FAF1: variants seen among roughly 807,000 people sequenced by gnomAD.
FAF1 encodes the protein FAS-associated factor 1.
A neutral mutation model predicts 92.5 loss-of-function variants in FAF1; 25 were observed. The observed-to-expected ratio is 0.27, with a 90% CI of 0.20 to 0.38. The LOEUF (loss-of-function observed/expected upper bound fraction) is 0.38, where lower values mean the gene tolerates loss of function less well. FAF1 is among the 10% of genes least tolerant of loss of function. The pLI, the probability that FAF1 is intolerant of heterozygous loss-of-function variation, is 1.00. For synonymous variants in FAF1, 234 were observed against 273.2 expected, an observed-to-expected ratio of 0.86 and a Z score of 1.42; for missense variants, 636 against 793.3, an observed-to-expected ratio of 0.80 and a Z score of 2.38.
At chr1:50,763,327 C>G (rs1428532434) in intron 4 of FAF1, among the ~76,000 whole-genome samples, 2 of 151,760 alleles carry the variant, frequency 1.3e-5, no homozygotes, top group African/African-American at 4.9e-5. Context: ...TTCTCTGGCT[C>G]TGGCTGCTTT....
chr1:50,779,589 T>A, intron 4 of FAF1, among the ~76,000 whole-genome samples: 1 of 151,374 alleles, frequency 6.6e-6, no homozygotes. Flanking sequence ...AAATTATATA[T>A]AAAATACTCT....
chr1:50,626,567 C>T (rs1653507391), intron 8 of FAF1, among the ~76,000 whole-genome samples: 1 of 152,058 alleles, frequency 6.6e-6, no homozygotes, highest in Non-Finnish European at 1.5e-5. Context: ...TAAGATAACA[C>T]TAAAGAAGTA....
intron 1 of FAF1, among the ~76,000 whole-genome samples, chr1:50,947,835 TGATA>T (rs1293933074): frequency 6.6e-6 from 1 of 152,230 alleles, no homozygotes; most frequent in Non-Finnish European, 1.5e-5. Context: ...ATCATGTCAA[TGATA>T]GATATCAAAA....
chr1:50,945,534 T>C (rs1021025296), intron 1 of FAF1, among the ~76,000 whole-genome samples: 3 of 152,212 alleles, frequency 2.0e-5, no homozygotes, highest in African/African-American at 7.2e-5. Context: ...TGATAGTTGA[T>C]ATTCGTCATA....
intron 1 of FAF1, among the ~76,000 whole-genome samples, chr1:50,872,487 C>T (rs1644536627): frequency 6.6e-6 from 1 of 152,184 alleles, no homozygotes; most frequent in African/African-American, 2.4e-5. Flanking sequence ...ATGCTGTGAA[C>T]ACTGTTGAAA....
At chr1:50,591,559 G>T (rs1183182667) in intron 9 of FAF1, among the ~76,000 whole-genome samples, 2 of 151,296 alleles carry the variant, frequency 1.3e-5, no homozygotes, top group East Asian at 3.9e-4. Flanking sequence ...TATAATCCCA[G>T]TTACTCAGGA....
At chr1:50,872,789 A>G (rs546432595) in intron 1 of FAF1, among the ~76,000 whole-genome samples, 3 of 152,008 alleles carry the variant, frequency 2.0e-5, no homozygotes, top group Admixed American at 2.0e-4. Flanking sequence ...AATCCCAGCT[A>G]CTCAGGAGGC....
chr1:50,588,500 G>C (rs1651348089), intron 9 of FAF1, among the ~76,000 whole-genome samples: 1 of 152,118 alleles, frequency 6.6e-6, no homozygotes, highest in African/African-American at 2.4e-5. Flanking sequence ...TCAGTAAGGA[G>C]AGACCTTCAC....
intron 7 of FAF1, among the ~76,000 whole-genome samples, chr1:50,675,037 C>T (rs536637553): frequency 2.0e-5 from 3 of 152,058 alleles, no homozygotes; most frequent in Non-Finnish European, 4.4e-5. Flanking sequence ...ATTACAAGTG[C>T]CCACCACCAT....
chr1:50,815,344 C>T (rs1049643108), intron 2 of FAF1, among the ~76,000 whole-genome samples: 10 of 152,068 alleles, frequency 6.6e-5, no homozygotes, highest in Non-Finnish European at 1.3e-4. Flanking sequence ...TGAGTTAATT[C>T]GCTTAGGATT....
rs1646159216 is a variant in FAF1 at position 50,440,807 on chromosome 1, G to A, written c.*633C>T. 1 of 152,210 alleles carries A rather than the reference G, an allele frequency of 6.6e-6. No individual in the cohort carries two copies. Among genetic ancestry groups the A allele is most frequent in the African/African-American group, 2.4e-5 (1 of 41,442 alleles). 9.4% of individuals were successfully genotyped at this position (152,210 alleles called of 1,614,324 possible). ...CAATGGAACAGCAAATACCTCCTAG[G>A]TAGAACCTGGAGACCCAAGGCAGCA... On this transcript the variant is annotated 3_prime_UTR_variant, in exon 19 of 19. Transcript: ENST00000396153.
intron 12 of FAF1, among the ~76,000 whole-genome samples, chr1:50,580,004 A>C (rs960929011): frequency 1.3e-5 from 2 of 152,152 alleles, no homozygotes; most frequent in Non-Finnish European, 2.9e-5. Flanking sequence ...ATTTTTGGAA[A>C]ATGCATGCTG....
intron 1 of FAF1, among the ~76,000 whole-genome samples, chr1:50,882,640 A>G: frequency 6.6e-6 from 1 of 150,698 alleles, no homozygotes; most frequent in African/African-American, 2.4e-5. Context: ...AAATAAATAA[A>G]TAAATAAATG....
intron 1 of FAF1, among the ~76,000 whole-genome samples, chr1:50,911,944 G>A (rs1644888965): frequency 6.6e-6 from 1 of 151,946 alleles, no homozygotes; most frequent in Non-Finnish European, 1.5e-5. Context: ...GTCTGAGGTG[G>A]GAGAAACGCT....
At position 50,439,311 on chromosome 1, in the gene FAF1, C is replaced by G. The variant is rs888955698; in HGVS notation, c.*2129G>C. 3 of 152,204 alleles carry G rather than the reference C, an allele frequency of 2.0e-5. No homozygotes were observed. Among genetic ancestry groups the G allele is most frequent in the Non-Finnish European group, 4.4e-5 (3 of 68,038 alleles). 9.4% of individuals were successfully genotyped at this position (152,204 alleles called of 1,614,324 possible). A position where few individuals can be genotyped will look rare whatever the true frequency, so the allele number is the denominator to read the frequency against. On this transcript the variant is annotated 3_prime_UTR_variant, in exon 19 of 19. Transcript: ENST00000396153. ...CTGAAGCTTAGTAGACCATCATGTC[C>G]TGAGTGAACAGTGACAATTAGCTGA...
chr1:50,849,922 C>A (rs569887650), intron 2 of FAF1, among the ~76,000 whole-genome samples: 1 of 152,254 alleles, frequency 6.6e-6, no homozygotes, highest in South Asian at 2.1e-4. Context: ...TCCTTACACA[C>A]CCTAGCTGGA....
At chr1:50,635,063 T>C (rs1258605629) in intron 8 of FAF1, among the ~76,000 whole-genome samples, 1 of 152,108 alleles carries the variant, frequency 6.6e-6, no homozygotes, top group Non-Finnish European at 1.5e-5. Flanking sequence ...TGTCTCTTAA[T>C]ATACTCATCT....
chr1:50,623,988 G>GGAAGAAGAAGGAA (rs1411824642), intron 8 of FAF1, among the ~76,000 whole-genome samples: 6 of 148,412 alleles, frequency 4.0e-5, no homozygotes, highest in Non-Finnish European at 7.4e-5. Context: ...AGGAAGAAGA[G>GGAAGAAGAAGGAA]GAAGAAGAAG....
intron 8 of FAF1, among the ~76,000 whole-genome samples, chr1:50,628,201 GA>G (rs985119014): frequency 3.3e-5 from 5 of 152,060 alleles, no homozygotes; most frequent in Non-Finnish European, 5.9e-5. Flanking sequence ...TGAGATCAAA[GA>G]AAAAATATAT....
Sources: allele counts gnomAD v4.1 joint callset (sites outside exome capture counted in the v4.1 genomes callset), GRCh38; gene constraint gnomAD v4.1.1; transcripts MANE v1.5; gene names NCBI Gene and HGNC (gene_info 2026-07-23, HGNC 2026-07-21).